Variants in PCDHGB1 observed in about 807,000 individuals in gnomAD.
PCDHGB1 encodes the protein protocadherin gamma subfamily B, 1.
Under a neutral mutation model 56.6 loss-of-function variants are expected in PCDHGB1, and 34 were observed. That is an observed-to-expected ratio of 0.60 (90% CI 0.46 to 0.80). PCDHGB1 has a LOEUF of 0.80. Among genes scored for constraint, PCDHGB1 ranks in the 30% least tolerant of loss-of-function variants. The pLI is 0.00. For synonymous variants in PCDHGB1, 561 were observed against 505.9 expected, an observed-to-expected ratio of 1.11 and a Z score of -1.46; for missense variants, 1,278 against 1,204.6, an observed-to-expected ratio of 1.06 and a Z score of -0.90.
In PCDHGB1 at chr5:141,351,877, C is replaced by A. The variant is rs932577945; in HGVS notation, c.1617C>A (p.Ser539Arg). ...QARDQGSPAL[S>R]ANVSLRVLVG... ...GGGACCAGGGCTCCCCCGCGCTCAG[C>A]GCCAACGTGAGCCTGCGCGTGTTGG... Residue 539 changes from serine to arginine, a missense_variant, in exon 1 of 4, where the codon AGC becomes AGA. Transcript: ENST00000523390. 3 of 1,613,314 alleles carry A rather than the reference C, an allele frequency of 1.9e-6. No homozygotes were observed. The highest frequency in any genetic ancestry group is 2.5e-6 in the Non-Finnish European group (3 of 1,179,730).
rs528172004 is a variant in PCDHGB1 at position 141,370,968 on chromosome 5, C to G, written c.2409+18299C>G. The G allele has an allele frequency of 1.1e-3, 1,752 of 1,613,966 alleles. 34 individuals are homozygous for G. In the South Asian group the frequency reaches 0.018, roughly 17 times the overall value. On this transcript the variant is annotated intron_variant, in intron 1 of 3. Coordinates refer to ENST00000523390, the MANE Select transcript of PCDHGB1 (RefSeq NM_018922.3). Reference sequence around the variant, plus strand: ...GGAGAACCTGGATGGCAGTAGGTACCCAGAGCTAGTACTGAAAGCACCCCT... The same window carrying G: ...GGAGAACCTGGATGGCAGTAGGTACGCAGAGCTAGTACTGAAAGCACCCCT...
In PCDHGB1 at chr5:141,431,770, T is replaced by G. The variant is rs748816389; in HGVS notation, c.2410-63037T>G. The G allele has an allele frequency of 3.7e-6, 6 of 1,614,204 alleles. No homozygotes were observed. In the South Asian group the frequency reaches 6.6e-5, roughly 18 times the overall value. ...CGCGAGCCAAAGTCCTGATCACTGT[T>G]CTGGACGTGAACGACAATGCCCCAG... On this transcript the variant is annotated intron_variant, in intron 1 of 3. Coordinates refer to ENST00000523390, the MANE Select transcript of PCDHGB1 (RefSeq NM_018922.3). The surrounding 1 kb of genome is among the most constrained non-coding windows in gnomAD (Gnocchi z 4.8).
rs749937052 is a variant in PCDHGB1, at chr5:141,490,441, G to A, written c.2410-4366G>A. ...CCTGCCATTTCAGATTAAGCCTTCT[G>A]AGAACCACTACTCGCTGCTAACCAG... On this transcript the variant is annotated intron_variant, in intron 1 of 3. Coordinates refer to ENST00000523390, the MANE Select transcript of PCDHGB1 (RefSeq NM_018922.3). The surrounding 1 kb of genome is among the most constrained non-coding windows in gnomAD (Gnocchi z 5.4). The A allele has an allele frequency of 9.3e-6, 15 of 1,614,208 alleles. No homozygotes were observed. The highest frequency in any genetic ancestry group is 1.2e-5 in the Non-Finnish European group (14 of 1,180,042).
intron 1 of PCDHGB1, chr5:141,383,948 C>G (rs199642192): frequency 2.1e-4 from 340 of 1,613,480 alleles, no homozygotes; most frequent in Non-Finnish European, 2.5e-4. Context: ...GTGACTATGA[C>G]GTCTTTAAGT....
chr5:141,376,676 G>GC (rs1773026765), intron 1 of PCDHGB1: 1 of 275,812 alleles, frequency 3.6e-6, no homozygotes, highest in Non-Finnish European at 6.2e-6. Context: ...TGAGGGTATC[G>GC]TTTTTTTTTT....
chr5:141,392,955 A>G, intron 1 of PCDHGB1: 1 of 1,613,920 alleles, frequency 6.2e-7, no homozygotes, highest in Non-Finnish European at 8.5e-7. Flanking sequence ...CGTGGGTAAT[A>G]TCTCCAAGGA....
chr5:141,490,990 C>A lies in PCDHGB1; in HGVS notation c.2410-3817C>A, dbSNP rs1230384508. On this transcript the variant is annotated intron_variant, in intron 1 of 3. Transcript: ENST00000523390. The surrounding 1 kb of genome is among the most constrained non-coding windows in gnomAD (Gnocchi z 5.4). ...CCCCCAGCGTCTCCCTCGCTCTGCTCCTCCTGGCTCCTTGGTCACCAAGGT... is the reference window on the plus strand; with the variant it reads ...CCCCCAGCGTCTCCCTCGCTCTGCTACTCCTGGCTCCTTGGTCACCAAGGT... The A allele has an allele frequency of 6.2e-7, 1 of 1,614,102 alleles. No homozygotes were observed. The highest frequency in any genetic ancestry group is 8.5e-7 in the Non-Finnish European group (1 of 1,180,022).
chr5:141,369,203 TG>T (rs1766087260), intron 1 of PCDHGB1, among the ~76,000 whole-genome samples: 1 of 152,170 alleles, frequency 6.6e-6, no homozygotes, highest in Non-Finnish European at 1.5e-5. Context: ...GATGGTAAAC[TG>T]GGGACCAAGG....
chr5:141,430,967 G>A lies in PCDHGB1; in HGVS notation c.2410-63840G>A, dbSNP rs746992307. 5 of 1,613,256 alleles carry A rather than the reference G, an allele frequency of 3.1e-6. No individual in the cohort carries two copies. In the East Asian group the frequency reaches 6.7e-5, roughly 22 times the overall value. On this transcript the variant is annotated intron_variant, in intron 1 of 3. Coordinates refer to ENST00000523390, the MANE Select transcript of PCDHGB1 (RefSeq NM_018922.3). ...GCGCGGAGTCCGCATCATCCCCAGA[G>A]GTAGGACGCAGCTTTTCGCCCTGAA... is the stretch of plus-strand genomic sequence containing the variant.
intron 1 of PCDHGB1, among the ~76,000 whole-genome samples, chr5:141,449,134 T>C (rs538592980): frequency 9.2e-4 from 140 of 152,242 alleles, no homozygotes; most frequent in Non-Finnish European, 1.8e-3. Context: ...AGAAATGGAA[T>C]TGAAATTGCT....
At chr5:141,467,627 G>A (rs2099147481) in intron 1 of PCDHGB1, among the ~76,000 whole-genome samples, 1 of 152,140 alleles carries the variant, frequency 6.6e-6, no homozygotes, top group South Asian at 2.1e-4. Context: ...ATTTGAGATA[G>A]CATCTTTATC....
At chr5:141,414,890 C>T in intron 1 of PCDHGB1, 5 of 1,614,232 alleles carry the variant, frequency 3.1e-6, no homozygotes, top group Non-Finnish European at 4.2e-6. Context: ...CCCGCCCTCC[C>T]CACAGACGGT....
intron 1 of PCDHGB1, chr5:141,388,788 T>C (rs1253708084): frequency 1.2e-6 from 2 of 1,613,942 alleles, no homozygotes; most frequent in Non-Finnish European, 1.7e-6. Flanking sequence ...AATTACTGTT[T>C]TAAATACATT....
intron 1 of PCDHGB1, chr5:141,394,889 T>C: frequency 6.2e-7 from 1 of 1,613,858 alleles, no homozygotes; most frequent in Non-Finnish European, 8.5e-7. Context: ...TTACACTCTA[T>C]CTCGTGGTGG....
chr5:141,398,051 C>G, intron 1 of PCDHGB1: 3 of 1,512,220 alleles, frequency 2.0e-6, no homozygotes, highest in Non-Finnish European at 2.7e-6. Context: ...GTTCGGAGAT[C>G]CAAAAATCTA....
chr5:141,504,206 A>C (rs1209911822), intron 2 of PCDHGB1, among the ~76,000 whole-genome samples: 1 of 152,218 alleles, frequency 6.6e-6, no homozygotes, highest in East Asian at 1.9e-4. Context: ...CTGTGGGAAA[A>C]TTCCAAGTAG....
chr5:141,355,189 G>A (rs1414390153), intron 1 of PCDHGB1: 1 of 1,590,876 alleles, frequency 6.3e-7, no homozygotes. Flanking sequence ...GCGACTCCGC[G>A]GCGGGGTTGT....
At chr5:141,393,867 T>G in intron 1 of PCDHGB1, 1 of 1,614,000 alleles carries the variant, frequency 6.2e-7, no homozygotes. Context: ...CATTACGTCT[T>G]TGTTTAGCCC....
intron 1 of PCDHGB1, among the ~76,000 whole-genome samples, chr5:141,474,651 C>T (rs2099352565): frequency 6.6e-6 from 1 of 152,178 alleles, no homozygotes; most frequent in South Asian, 2.1e-4. Flanking sequence ...ATCCTTACTT[C>T]TTTTCTACCT....
Sources: allele counts gnomAD v4.1 joint callset (sites outside exome capture counted in the v4.1 genomes callset), GRCh38; gene constraint gnomAD v4.1.1; non-coding constraint Gnocchi (gnomAD v3.1); transcripts MANE v1.5; gene names NCBI Gene and HGNC (gene_info 2026-07-23, HGNC 2026-07-21).